DYNC2H1: variants seen among roughly 807,000 people sequenced by gnomAD.
DYNC2H1 encodes cytoplasmic dynein 2 heavy chain 1.
Under a neutral mutation model 570.0 loss-of-function variants are expected in DYNC2H1, and 410 were observed. That is an observed-to-expected ratio of 0.72 (90% CI 0.66 to 0.78). The LOEUF is 0.78. Ranked by LOEUF, DYNC2H1 falls within the 30% of genes least tolerant of loss-of-function variation. DYNC2H1 has a pLI of 0.00. For missense variants in DYNC2H1, 4,865 were observed against 5,046.4 expected, an observed-to-expected ratio of 0.96 and a Z score of 1.09; for synonymous variants, 1,688 against 1,677.6, an observed-to-expected ratio of 1.01 and a Z score of -0.15.
chr11:103,179,428 T>C (rs1456644492), intron 39 of DYNC2H1, among the ~76,000 whole-genome samples, 195 bp downstream of exon 39: 5 of 151,898 alleles, frequency 3.3e-5, no homozygotes, highest in African/African-American at 1.2e-4. Flanking sequence ...TTAGGAGTTT[T>C]AGTTGTATCA....
intron 70 of DYNC2H1, among the ~76,000 whole-genome samples, chr11:103,265,020 G>C (rs1309937530): frequency 6.6e-6 from 1 of 152,148 alleles, no homozygotes; most frequent in Admixed American, 6.5e-5. Flanking sequence ...CTTCAGCAAA[G>C]TCTCAGGATA....
At chr11:103,262,383 C>A (rs1279231624) in intron 70 of DYNC2H1, among the ~76,000 whole-genome samples, 1 of 151,964 alleles carries the variant, frequency 6.6e-6, no homozygotes, top group Non-Finnish European at 1.5e-5. Flanking sequence ...AAGAGCAACC[C>A]CAAGACACAT....
intron 85 of DYNC2H1, among the ~76,000 whole-genome samples, chr11:103,448,839 A>G (rs891566770): frequency 3.9e-5 from 6 of 152,224 alleles, no homozygotes; most frequent in Non-Finnish European, 7.3e-5. Context: ...AAGCAACACA[A>G]TGAAGTCATT....
chr11:103,170,921 T>C lies in DYNC2H1; in HGVS notation c.5187T>C (p.Val1729=). Residue 1729 remains valine, a synonymous_variant, in exon 34 of 89, where the codon GTT becomes GTC. Coordinates refer to ENST00000375735, the MANE Select transcript of DYNC2H1 (RefSeq NM_001377.3). This position sits in a 1 kb window ranked among gnomAD's most constrained non-coding sequence, Gnocchi z 4.8. Reference sequence around the variant, plus strand: ...TGAAGTCAATGGGACGAATATTTGTTGGTTTGGTGAAGTGTGGGGCCTGGG... The same window carrying C: ...TGAAGTCAATGGGACGAATATTTGTCGGTTTGGTGAAGTGTGGGGCCTGGG... The part of the protein sequence containing the change: ...IDVKSMGRIF[V]GLVKCGAWGC... 6.3e-7 allele frequency: 1 copy of C among 1,583,554 alleles called. No individual in the cohort carries two copies. Among genetic ancestry groups the C allele is most frequent in the Non-Finnish European group, 8.6e-7 (1 of 1,161,042 alleles).
chr11:103,307,189 T>C (rs190997357), intron 77 of DYNC2H1, among the ~76,000 whole-genome samples: 8 of 152,210 alleles, frequency 5.3e-5, no homozygotes, highest in African/African-American at 1.9e-4. Flanking sequence ...GCAGATGAAT[T>C]TGTATGGTGA....
intron 47 of DYNC2H1, among the ~76,000 whole-genome samples, chr11:103,195,682 G>A (rs998971077): frequency 6.6e-6 from 1 of 152,124 alleles, no homozygotes; most frequent in African/African-American, 2.4e-5. Flanking sequence ...AAACAATGTT[G>A]CTGAGATTCT....
intron 85 of DYNC2H1, among the ~76,000 whole-genome samples, chr11:103,441,319 C>G (rs1395268838): frequency 2.0e-5 from 3 of 149,792 alleles, no homozygotes; most frequent in Non-Finnish European, 4.4e-5. Flanking sequence ...TTCAGTGAGG[C>G]CTTCCCTGAC....
rs1858455134 is a variant in DYNC2H1 at position 103,117,269 on chromosome 11, T to C, written c.767-362T>C. The stretch of plus-strand genomic sequence containing the variant: ...TTAATATATATATTTTATATATATA[T>C]ATTTTTTAATATATATATTTTTATT... On this transcript the variant is annotated intron_variant, in intron 5 of 88. Coordinates refer to ENST00000375735, the MANE Select transcript of DYNC2H1 (RefSeq NM_001377.3). 2.7e-5 allele frequency among the ~76,000 whole-genome samples: 4 copies of C among 147,282 alleles called. No individual in the cohort carries two copies. The South Asian group carries it at 8.3e-4, about 31-fold the overall frequency.
intron 75 of DYNC2H1, among the ~76,000 whole-genome samples, chr11:103,291,451 A>ATAAATAATAAG (rs1866596513): frequency 6.6e-6 from 1 of 152,072 alleles, no homozygotes; most frequent in South Asian, 2.1e-4. Context: ...AAATAAATAA[A>ATAAATAATAAG]TAAATAAATA....
rs371280479 is a variant in DYNC2H1, at chr11:103,187,559, C to T, written c.7113C>T (p.Thr2371=). 17 of 1,612,946 alleles carry T rather than the reference C, an allele frequency of 1.1e-5. No individual in the cohort carries two copies. Among genetic ancestry groups the T allele is most frequent in the Non-Finnish European group, 1.3e-5 (15 of 1,179,362 alleles). ...TACCTAAACTTGATAAATGGGGGACCAGTACTTTGGTAGCATTCCTACAAC... is the reference window on the plus strand; with the variant it reads ...TACCTAAACTTGATAAATGGGGGACTAGTACTTTGGTAGCATTCCTACAAC... ...INLPKLDKWG[T]STLVAFLQQV... The change falls in exon 43 of 89, where the codon ACC becomes ACT. Residue 2371 remains threonine, a synonymous_variant. Transcript: ENST00000375735.
rs140294172 is a variant in DYNC2H1, at chr11:103,436,197, A to AT, written c.12456+181dup. 0.06 allele frequency among the ~76,000 whole-genome samples: 8,760 copies of AT among 145,048 alleles called. 292 individuals carry two copies. The highest frequency in any genetic ancestry group is 0.082 in the Non-Finnish European group (5,387 of 65,376). ...TGTTATTTTTGTATAGCACTGTTCT[A>AT]TTTTTTTTTTTTTTTTACAAAATGT... is the stretch of plus-strand genomic sequence containing the variant. On this transcript the variant is annotated intron_variant, in intron 85 of 88. Transcript: ENST00000375735.
intron 82 of DYNC2H1, 141 bp from the exon 83 acceptor site, chr11:103,358,102 G>C (rs576332794): frequency 6.6e-5 from 34 of 512,658 alleles, no homozygotes; most frequent in African/African-American, 5.9e-4. Flanking sequence ...ATTGAAGAGA[G>C]ATAATAAGAT....
chr11:103,197,619 T>C (rs971815195), intron 47 of DYNC2H1, among the ~76,000 whole-genome samples: 1 of 152,116 alleles, frequency 6.6e-6, no homozygotes, highest in African/African-American at 2.4e-5. Flanking sequence ...GGCTAATTTT[T>C]AAATTTTTTA....
At chr11:103,370,973 C>A (rs1941121459) in intron 83 of DYNC2H1, among the ~76,000 whole-genome samples, 1 of 152,054 alleles carries the variant, frequency 6.6e-6, no homozygotes, top group Non-Finnish European at 1.5e-5. Flanking sequence ...TTAACTAAGG[C>A]ACCAGGGACC....
At chr11:103,422,864 T>C (rs484316) in intron 84 of DYNC2H1, among the ~76,000 whole-genome samples, 84,399 of 151,910 alleles carry the variant, frequency 0.56, 24,070 homozygotes, top group East Asian at 0.72. Flanking sequence ...AAGAGATAAA[T>C]GGTACTCAAA....
chr11:103,253,956 A>G (rs10160273), intron 66 of DYNC2H1, among the ~76,000 whole-genome samples: 26,769 of 151,916 alleles, frequency 0.18, 3,006 homozygotes, highest in African/African-American at 0.32. Flanking sequence ...TCATGTCCAT[A>G]CTCACATGTT....
At chr11:103,284,005 G>A (rs1866247708) in intron 73 of DYNC2H1, among the ~76,000 whole-genome samples, 1 of 97,228 alleles carries the variant, frequency 1.0e-5, no homozygotes, top group Middle Eastern at 4.2e-3. Context: ...GCACTTCCTT[G>A]TAAAAGCTAC....
intron 56 of DYNC2H1, 126 bp from the exon 57 acceptor site, chr11:103,220,497 T>G: frequency 1.1e-6 from 1 of 950,154 alleles, no homozygotes; most frequent in Non-Finnish European, 1.5e-6. Flanking sequence ...TTTTGATATT[T>G]TAAGAGAGAG....
intron 63 of DYNC2H1, among the ~76,000 whole-genome samples, chr11:103,236,971 A>G (rs544387549): frequency 3.3e-5 from 5 of 152,164 alleles, no homozygotes; most frequent in Admixed American, 1.3e-4. Context: ...AATCATACAC[A>G]TAATTTGGAA....
Sources: allele counts gnomAD v4.1 joint callset (sites outside exome capture counted in the v4.1 genomes callset), GRCh38; gene constraint gnomAD v4.1.1; non-coding constraint Gnocchi (gnomAD v3.1); transcripts MANE v1.5; gene names NCBI Gene and HGNC (gene_info 2026-07-23, HGNC 2026-07-21).